The following LRRTM4 variants were observed in gnomAD, a reference collection of about 807,000 sequenced individuals.
LRRTM4 encodes leucine-rich repeat transmembrane neuronal protein 4.
In LRRTM4, 25 loss-of-function variants were observed where a neutral mutation model predicts 47.6. The observed-to-expected ratio is 0.53, with a 90% CI of 0.38 to 0.73. The LOEUF (loss-of-function observed/expected upper bound fraction) is 0.73, where lower values mean the gene tolerates loss of function less well. Ranked by LOEUF, LRRTM4 falls within the 30% of genes least tolerant of loss-of-function variation. LRRTM4 has a pLI of 0.00. For synonymous variants in LRRTM4, 311 were observed against 269.5 expected (o/e 1.15, Z -1.51); for missense variants, 638 against 713.4 (o/e 0.89, Z 1.20).
In LRRTM4 at chr2:76,994,178, G is replaced by A. The variant is rs1476731842; in HGVS notation, c.1552-245262C>T. 2.0e-5 allele frequency among the ~76,000 whole-genome samples: 3 copies of A among 151,792 alleles called. No individual in the cohort carries two copies. In the East Asian group the frequency reaches 5.8e-4, roughly 29 times the overall value. On this transcript the variant is annotated intron_variant, in intron 3 of 3. Transcript: ENST00000409884. ...ATTGAGTACTATGTTCACTGCTTGA[G>A]TGACAGGATTAGTTGTATCCCAAAC...
chr2:77,127,274 A>C (rs1047906498), intron 3 of LRRTM4, among the ~76,000 whole-genome samples: 20 of 152,268 alleles, frequency 1.3e-4, no homozygotes, highest in African/African-American at 4.6e-4. Flanking sequence ...CATACTTTTA[A>C]ATACTCTGTT....
intron 3 of LRRTM4, among the ~76,000 whole-genome samples, chr2:77,440,491 C>T (rs1675799586): frequency 6.6e-6 from 1 of 152,130 alleles, no homozygotes; most frequent in Non-Finnish European, 1.5e-5. Flanking sequence ...ACCCGAAATA[C>T]ATTTACTTTC....
chr2:77,106,184 T>C (rs1465396004), intron 3 of LRRTM4, among the ~76,000 whole-genome samples: 1 of 152,206 alleles, frequency 6.6e-6, no homozygotes, highest in Non-Finnish European at 1.5e-5. Context: ...CAAGTTTTCT[T>C]ATCATGACAC....
At chr2:77,193,580 C>T (rs1043375360) in intron 3 of LRRTM4, among the ~76,000 whole-genome samples, 7 of 151,452 alleles carry the variant, frequency 4.6e-5, no homozygotes, top group Non-Finnish European at 8.8e-5. Flanking sequence ...GAAGCCGAGG[C>T]GGGCAGATCA....
chr2:77,154,685 C>T (rs1267620665), intron 3 of LRRTM4, among the ~76,000 whole-genome samples: 2 of 151,974 alleles, frequency 1.3e-5, no homozygotes, highest in African/African-American at 4.8e-5. Flanking sequence ...GAATATTTAG[C>T]ATAAAATTCT....
intron 3 of LRRTM4, among the ~76,000 whole-genome samples, chr2:77,422,375 A>C (rs1006151858): frequency 1.3e-5 from 2 of 152,220 alleles, no homozygotes; most frequent in Non-Finnish European, 2.9e-5. Context: ...CTTTGTCAAT[A>C]AACTGCATCC....
chr2:76,893,078 A>T lies in LRRTM4; in HGVS notation c.1552-144162T>A, dbSNP rs143691809. Reference sequence around the variant, plus strand: ...CAAGCAAAAAAAAAAAAATCAATATACAAAAGTTAAAGGAAACCTGACCAC... The same window carrying T: ...CAAGCAAAAAAAAAAAAATCAATATTCAAAAGTTAAAGGAAACCTGACCAC... On this transcript the variant is annotated intron_variant, in intron 3 of 3. Coordinates refer to ENST00000409884, the MANE Select transcript of LRRTM4 (RefSeq NM_001134745.3). Among the ~76,000 whole-genome samples the T allele has an allele frequency of 3.8e-3, 575 of 151,612 alleles. 24 individuals are homozygous for T. The South Asian group carries it at 0.072, about 19-fold the overall frequency.
chr2:77,069,174 C>G (rs145162583), intron 3 of LRRTM4, among the ~76,000 whole-genome samples: 2,286 of 152,196 alleles, frequency 0.015, 23 homozygotes, highest in Admixed American at 0.024. Context: ...CTCTATATTT[C>G]TGTGTGTGTG....
At chr2:77,247,721 T>C (rs1048823869) in intron 3 of LRRTM4, among the ~76,000 whole-genome samples, 1 of 152,020 alleles carries the variant, frequency 6.6e-6, no homozygotes, top group Non-Finnish European at 1.5e-5. Flanking sequence ...AAAAATGTCA[T>C]ATTGTTCTTC....
chr2:77,022,888 G>A (rs1345733057), intron 3 of LRRTM4, among the ~76,000 whole-genome samples: 1 of 152,196 alleles, frequency 6.6e-6, no homozygotes, highest in Non-Finnish European at 1.5e-5. Flanking sequence ...CTGGAGGATG[G>A]TGGCTCTCTT....
chr2:77,464,066 A>C (rs1023383393), intron 3 of LRRTM4, among the ~76,000 whole-genome samples: 1 of 152,140 alleles, frequency 6.6e-6, no homozygotes, highest in Non-Finnish European at 1.5e-5. Flanking sequence ...ACTGGGCTTG[A>C]TGGACTAGTA....
intron 3 of LRRTM4, among the ~76,000 whole-genome samples, chr2:77,282,226 T>C (rs1476426540): frequency 2.0e-5 from 3 of 151,868 alleles, no homozygotes; most frequent in Non-Finnish European, 4.4e-5. Context: ...CATACTTGAT[T>C]TAGCTCTCAG....
intron 3 of LRRTM4, among the ~76,000 whole-genome samples, chr2:76,852,661 A>G (rs544611141): frequency 6.6e-6 from 1 of 152,200 alleles, no homozygotes; most frequent in African/African-American, 2.4e-5. Flanking sequence ...TCATACAAAA[A>G]GAATTTCAAC....
At chr2:77,193,838 C>T (rs567236467) in intron 3 of LRRTM4, among the ~76,000 whole-genome samples, 2 of 152,298 alleles carry the variant, frequency 1.3e-5, no homozygotes, top group African/African-American at 2.4e-5. Context: ...TTAGGACACA[C>T]TGACCTGCGT....
intron 3 of LRRTM4, among the ~76,000 whole-genome samples, chr2:77,046,420 TTA>T (rs1354073953): frequency 6.6e-6 from 1 of 152,004 alleles, no homozygotes; most frequent in Non-Finnish European, 1.5e-5. Flanking sequence ...AACTGGAAGT[TTA>T]GTGTCAGCCA....
intron 3 of LRRTM4, among the ~76,000 whole-genome samples, chr2:77,100,363 A>G (rs1670920523): frequency 6.6e-6 from 1 of 152,190 alleles, no homozygotes; most frequent in Non-Finnish European, 1.5e-5. Flanking sequence ...ACAACATAAT[A>G]GGAAATAGCA....
chr2:77,049,157 T>TATATACACACAC (rs1351971551), intron 3 of LRRTM4, among the ~76,000 whole-genome samples: 5 of 106,372 alleles, frequency 4.7e-5, no homozygotes, highest in African/African-American at 2.0e-4. Context: ...TATATATATA[T>TATATACACACAC]ACACACACAC....
intron 3 of LRRTM4, among the ~76,000 whole-genome samples, chr2:77,285,468 G>A (rs1676629568): frequency 6.6e-6 from 1 of 151,392 alleles, no homozygotes; most frequent in Admixed American, 6.6e-5. Context: ...CTGGCCAGGT[G>A]CAGTGGCTCA....
intron 3 of LRRTM4, among the ~76,000 whole-genome samples, chr2:76,789,580 ATTTG>A (rs528332613): frequency 4.6e-5 from 7 of 152,196 alleles, no homozygotes; most frequent in South Asian, 2.1e-4. Flanking sequence ...AATAGGTTGT[ATTTG>A]TTTGTTTGTT....
Sources: allele counts gnomAD v4.1 joint callset (sites outside exome capture counted in the v4.1 genomes callset), GRCh38; gene constraint gnomAD v4.1.1; transcripts MANE v1.5; gene names NCBI Gene and HGNC (gene_info 2026-07-23, HGNC 2026-07-21).